CBLB: variants seen among roughly 807,000 people sequenced by gnomAD.
CBLB encodes Cbl proto-oncogene B.
A neutral mutation model predicts 104.9 loss-of-function variants in CBLB; 31 were observed. The observed-to-expected ratio is 0.30, with a 90% CI of 0.22 to 0.40. CBLB has a LOEUF of 0.40. Ranked by LOEUF, CBLB falls within the 10% of genes least tolerant of loss-of-function variation. CBLB has a pLI of 1.00. For missense variants in CBLB, 1,062 were observed against 1,214.6 expected (o/e 0.87, Z 1.87); for synonymous variants, 440 against 422.6 (o/e 1.04, Z -0.51).
At chr3:105,739,486 G>A (rs1322568767) in intron 7 of CBLB, among the ~76,000 whole-genome samples, 2 of 152,204 alleles carry the variant, frequency 1.3e-5, no homozygotes, top group East Asian at 3.9e-4. Context: ...AGAGGACAAA[G>A]GGAAAGGCAT....
chr3:105,778,628 A>G (rs1318551474), intron 3 of CBLB, among the ~76,000 whole-genome samples: 1 of 152,134 alleles, frequency 6.6e-6, no homozygotes, highest in East Asian at 1.9e-4. Flanking sequence ...GGGGGAGGGC[A>G]TAACATAGGC....
rs142029701 is a variant in CBLB, at chr3:105,657,146, A to G, written c.*1824T>C. ...TACCATGAAAGCCAGACTGTCAAAA[A>G]AAGGGCACATGTCACTTTGCAAAGG... On this transcript the variant is annotated 3_prime_UTR_variant, in exon 19 of 19. Transcript: ENST00000394030. 4.4e-3 allele frequency: 997 copies of G among 224,822 alleles called. 11 individuals are homozygous for G. The highest frequency in any genetic ancestry group is 0.021 in the African/African-American group (936 of 45,010). The allele number at this position is 224,822 out of a possible 1,614,324, so 13.9% of individuals were successfully genotyped here. A position where few individuals can be genotyped will look rare whatever the true frequency, so the allele number is the denominator to read the frequency against.
At chr3:105,750,903 A>C (rs1001705614) in intron 5 of CBLB, among the ~76,000 whole-genome samples, 5 of 152,222 alleles carry the variant, frequency 3.3e-5, no homozygotes, top group African/African-American at 1.2e-4. Context: ...GAATATGACA[A>C]GGGAACTGAT....
intron 4 of CBLB, among the ~76,000 whole-genome samples, chr3:105,757,692 A>C (rs1218065130): frequency 6.6e-6 from 1 of 152,256 alleles, no homozygotes; most frequent in African/African-American, 2.4e-5. Flanking sequence ...ATACATGGGA[A>C]TGAACAAAGT....
rs569378466 is a variant in CBLB, at chr3:105,742,857, CT to C, written c.846-2227del. On this transcript the variant is annotated intron_variant, in intron 6 of 18. Transcript: ENST00000394030. ...AATCTAGTAGATACTGAAATACATACTTGTGAAATTGCTCACATTTTTAATT... is the reference window on the plus strand; with the variant it reads ...AATCTAGTAGATACTGAAATACATACTGTGAAATTGCTCACATTTTTAATT... Among the ~76,000 whole-genome samples the C allele has an allele frequency of 2.4e-3, 367 of 152,136 alleles. 1 individual carries two copies. Among genetic ancestry groups the C allele is most frequent in the South Asian group, 3.3e-3 (16 of 4,814 alleles).
chr3:105,771,709 C>T (rs1469956625), intron 4 of CBLB, among the ~76,000 whole-genome samples: 3 of 152,194 alleles, frequency 2.0e-5, no homozygotes, highest in South Asian at 2.1e-4. Flanking sequence ...AATCAATGTA[C>T]ACAAATCAGT....
chr3:105,854,012 C>A (rs1234749190), intron 2 of CBLB, among the ~76,000 whole-genome samples: 1 of 152,140 alleles, frequency 6.6e-6, no homozygotes, highest in African/African-American at 2.4e-5. Context: ...TGGGCCTTCT[C>A]TGTTGACAAC....
chr3:105,684,830 C>T (rs2066807282), intron 14 of CBLB, among the ~76,000 whole-genome samples: 1 of 152,120 alleles, frequency 6.6e-6, no homozygotes, highest in Non-Finnish European at 1.5e-5. Flanking sequence ...GGATTACAGG[C>T]GTGAGCCACC....
chr3:105,755,580 A>G (rs1241038061), intron 4 of CBLB, among the ~76,000 whole-genome samples: 1 of 152,200 alleles, frequency 6.6e-6, no homozygotes, highest in Non-Finnish European at 1.5e-5. Context: ...TTCAACTGAT[A>G]GGAAAAAATG....
intron 5 of CBLB, among the ~76,000 whole-genome samples, chr3:105,748,437 C>T (rs1260391090): frequency 2.0e-5 from 3 of 152,172 alleles, no homozygotes; most frequent in Middle Eastern, 3.2e-3. Flanking sequence ...TACTAAAATA[C>T]TCCGTCCTTA....
At chr3:105,777,654 G>A (rs2079644380) in intron 3 of CBLB, among the ~76,000 whole-genome samples, 1 of 152,110 alleles carries the variant, frequency 6.6e-6, no homozygotes, top group African/African-American at 2.4e-5. Context: ...AGAAATAAAT[G>A]GAGAGTCAAA....
chr3:105,699,060 C>T (rs1040401650), intron 12 of CBLB, among the ~76,000 whole-genome samples: 1 of 152,098 alleles, frequency 6.6e-6, no homozygotes, highest in Non-Finnish European at 1.5e-5. Flanking sequence ...TTGTCTCCAC[C>T]ACTGGCTTTA....
chr3:105,849,523 C>T (rs923174536), intron 3 of CBLB, among the ~76,000 whole-genome samples: 1 of 152,086 alleles, frequency 6.6e-6, no homozygotes, highest in Non-Finnish European at 1.5e-5. Context: ...GGAATCTATA[C>T]ATTATCAAAC....
chr3:105,740,736 A>T, intron 6 of CBLB, 105 bp from the exon 7 acceptor site: 1 of 953,392 alleles, frequency 1.0e-6, no homozygotes, highest in Non-Finnish European at 1.6e-6. Flanking sequence ...ATCATTTAGA[A>T]TTCCTGAATA....
At chr3:105,692,647 T>C (rs759668408) in intron 13 of CBLB, among the ~76,000 whole-genome samples, 1 of 152,060 alleles carries the variant, frequency 6.6e-6, no homozygotes, top group Admixed American at 6.6e-5. Context: ...GATCTTACTG[T>C]TAGCAGAAGT....
intron 9 of CBLB, among the ~76,000 whole-genome samples, chr3:105,727,063 T>C (rs1367434358): frequency 6.6e-6 from 1 of 152,226 alleles, no homozygotes; most frequent in Non-Finnish European, 1.5e-5. Context: ...TTTGAGTATA[T>C]ACCCAGTAAT....
intron 13 of CBLB, 123 bp downstream of exon 13, chr3:105,693,371 G>C: frequency 1.4e-6 from 1 of 690,922 alleles, no homozygotes; most frequent in South Asian, 1.6e-5. Flanking sequence ...TGTAAATACA[G>C]CTGGCTGTTT....
rs1231253086 is a variant in CBLB, at chr3:105,656,900, C to A, written c.*2070G>T. The A allele has an allele frequency of 2.4e-5, 5 of 212,708 alleles. No homozygotes were observed. Among genetic ancestry groups the A allele is most frequent in the Non-Finnish European group, 3.8e-5 (4 of 105,234 alleles). The allele number at this position is 212,708 out of a possible 1,614,324, so 13.2% of individuals were successfully genotyped here. A position where few individuals can be genotyped will look rare whatever the true frequency, so the allele number is the denominator to read the frequency against. ...AAGGTGACATCTGAAACTGTTAAAA[C>A]AAGTGAAAAATCATAATGACAAAAC... On this transcript the variant is annotated 3_prime_UTR_variant, in exon 19 of 19. Coordinates refer to ENST00000394030, the MANE Select transcript of CBLB (RefSeq NM_170662.5).
At chr3:105,693,247 C>A (rs918460516) in intron 13 of CBLB, among the ~76,000 whole-genome samples, 1 of 151,962 alleles carries the variant, frequency 6.6e-6, no homozygotes, top group African/African-American at 2.4e-5. Context: ...GCAAGGAATG[C>A]GTAGCTTTCT....
Sources: gnomAD v4.1 joint callset for allele counts (sites outside exome capture counted in the v4.1 genomes callset) on GRCh38, gnomAD v4.1.1 for gene constraint, MANE v1.5 for transcripts, NCBI Gene and HGNC (gene_info 2026-07-23, HGNC 2026-07-21) for gene names.